The following SAMMSON variants were observed in gnomAD, a reference collection of about 807,000 sequenced individuals.
The protein encoded by SAMMSON is long intergenic non-protein coding RNA 1212.
intron 3 of SAMMSON, among the ~76,000 whole-genome samples, chr3:70,049,904 A>G (rs2067140031): frequency 6.6e-6 from 1 of 152,112 alleles, no homozygotes. Flanking sequence ...AAAACGTGCA[A>G]TGACATAATG....
At chr3:70,045,398 A>T (rs1172979361) in intron 3 of SAMMSON, among the ~76,000 whole-genome samples, 2 of 151,290 alleles carry the variant, frequency 1.3e-5, no homozygotes, top group African/African-American at 4.9e-5. Flanking sequence ...TGTTTGAAAT[A>T]ATTAGTTAAG....
At chr3:70,365,185 C>G (rs564456647) in intron 9 of SAMMSON, among the ~76,000 whole-genome samples, 4 of 151,822 alleles carry the variant, frequency 2.6e-5, no homozygotes, top group African/African-American at 9.6e-5. Flanking sequence ...ATGCTCCATG[C>G]TTTTCTTAAT....
intron 4 of SAMMSON, among the ~76,000 whole-genome samples, chr3:70,088,945 A>G (rs1003920622): frequency 6.6e-6 from 1 of 152,114 alleles, no homozygotes; most frequent in African/African-American, 2.4e-5. Context: ...CACATTGTGT[A>G]TTTTCACTCA....
chr3:70,394,019 T>C (rs1308881188), downstream of SAMMSON, among the ~76,000 whole-genome samples: 3 of 152,112 alleles, frequency 2.0e-5, no homozygotes, highest in Admixed American at 2.0e-4. Context: ...TGAGCCCAGG[T>C]GAAGGGTAGT....
At chr3:70,048,298 G>A (rs2067134401) in intron 3 of SAMMSON, among the ~76,000 whole-genome samples, 1 of 152,054 alleles carries the variant, frequency 6.6e-6, no homozygotes, top group Non-Finnish European at 1.5e-5. Context: ...CTTACCAGCT[G>A]TGTTATGTGA....
At chr3:70,282,011 G>C (rs528251348) in intron 6 of SAMMSON, among the ~76,000 whole-genome samples, 1 of 152,270 alleles carries the variant, frequency 6.6e-6, no homozygotes, top group African/African-American at 2.4e-5. Context: ...CACATTACCA[G>C]AACACCAGGG....
chr3:70,229,487 C>T (rs1192246880), intron 4 of SAMMSON, among the ~76,000 whole-genome samples: 1 of 152,086 alleles, frequency 6.6e-6, no homozygotes, highest in African/African-American at 2.4e-5. Context: ...TCTGGGCACA[C>T]GGTTAAACTA....
intron 3 of SAMMSON, among the ~76,000 whole-genome samples, chr3:70,060,638 G>T (rs576892316): frequency 6.6e-6 from 1 of 152,022 alleles, no homozygotes; most frequent in African/African-American, 2.4e-5. Flanking sequence ...TCACAACTTG[G>T]GGGGAGATGC....
At chr3:70,178,670 A>G (rs746741967) in intron 4 of SAMMSON, among the ~76,000 whole-genome samples, 33 of 152,190 alleles carry the variant, frequency 2.2e-4, no homozygotes, top group African/African-American at 7.5e-4. Context: ...AAATGATTAG[A>G]TGTCTCACTA....
At chr3:70,081,009 A>G (rs1016337880) in intron 4 of SAMMSON, among the ~76,000 whole-genome samples, 7 of 152,170 alleles carry the variant, frequency 4.6e-5, no homozygotes, top group Admixed American at 1.3e-4. Context: ...TCTAATTGCT[A>G]TATTGATAGG....
chr3:70,131,314 T>C (rs915255892), intron 4 of SAMMSON, among the ~76,000 whole-genome samples: 1 of 152,212 alleles, frequency 6.6e-6, no homozygotes, highest in African/African-American at 2.4e-5. Context: ...GTCAAAATTA[T>C]GTCCAGAAGA....
intron 8 of SAMMSON, among the ~76,000 whole-genome samples, chr3:70,354,987 A>G (rs1702819372): frequency 6.6e-6 from 1 of 152,228 alleles, no homozygotes; most frequent in South Asian, 2.1e-4. Flanking sequence ...CAGATTTACC[A>G]CGACTCAGCA....
chr3:70,013,144 T>C (rs2066965461), intron 2 of SAMMSON, among the ~76,000 whole-genome samples: 1 of 152,102 alleles, frequency 6.6e-6, no homozygotes, highest in South Asian at 2.1e-4. Flanking sequence ...TGGCATATAG[T>C]AAATGTGATG....
At chr3:70,102,156 C>A (rs749275) in intron 4 of SAMMSON, among the ~76,000 whole-genome samples, 11,064 of 151,986 alleles carry the variant, frequency 0.073, 551 homozygotes, top group Non-Finnish European at 0.11. Context: ...TTAGTCTTAT[C>A]TGAATTAAGT....
chr3:70,018,548 T>C (rs2066997258), intron 3 of SAMMSON, among the ~76,000 whole-genome samples: 1 of 152,058 alleles, frequency 6.6e-6, no homozygotes, highest in Admixed American at 6.6e-5. Flanking sequence ...GATTCATTGA[T>C]TTTTTTGAAG....
intron 7 of SAMMSON, among the ~76,000 whole-genome samples, chr3:70,297,378 G>A (rs1280102477): frequency 6.6e-6 from 1 of 152,086 alleles, no homozygotes; most frequent in Admixed American, 6.6e-5. Flanking sequence ...TCTTGGTGGA[G>A]ATTAAGAGTT....
At chr3:70,182,224 C>G (rs1157525829) in intron 4 of SAMMSON, among the ~76,000 whole-genome samples, 1 of 152,104 alleles carries the variant, frequency 6.6e-6, no homozygotes, top group Non-Finnish European at 1.5e-5. Flanking sequence ...CCGCCCCCAC[C>G]TTCGAAAGAA....
chr3:70,299,429 A>G (rs989960686), intron 7 of SAMMSON, among the ~76,000 whole-genome samples: 2 of 152,090 alleles, frequency 1.3e-5, no homozygotes, highest in Non-Finnish European at 2.9e-5. Flanking sequence ...TAATTTTTCT[A>G]AAAAATAGAT....
intron 4 of SAMMSON, among the ~76,000 whole-genome samples, chr3:70,220,445 A>T (rs1415987505): frequency 6.6e-6 from 1 of 152,118 alleles, no homozygotes; most frequent in Non-Finnish European, 1.5e-5. Flanking sequence ...CTCTTAAAAA[A>T]AAAAATTACT....
Sources: allele counts gnomAD v4.1 joint callset (sites outside exome capture counted in the v4.1 genomes callset), GRCh38; gene constraint gnomAD v4.1.1; transcripts MANE v1.5; gene names NCBI Gene and HGNC (gene_info 2026-07-23, HGNC 2026-07-21).